SLMAP: variants seen among roughly 807,000 people sequenced by gnomAD.
The protein encoded by SLMAP is sarcolemmal membrane-associated protein.
Under a neutral mutation model 128.8 loss-of-function variants are expected in SLMAP, and 44 were observed. The observed-to-expected ratio is 0.34, with a 90% CI of 0.27 to 0.44. The LOEUF is 0.44. Among genes scored for constraint, SLMAP ranks in the 20% least tolerant of loss-of-function variants. The pLI is 1.00. For missense variants in SLMAP, 787 were observed against 985.3 expected (o/e 0.80, Z 2.69); for synonymous variants, 327 against 348.8 (o/e 0.94, Z 0.70).
chr3:57,877,593 T>C (rs1254330827), intron 14 of SLMAP, among the ~76,000 whole-genome samples: 1 of 152,172 alleles, frequency 6.6e-6, no homozygotes, highest in African/African-American at 2.4e-5. Context: ...GTTTATTCAA[T>C]CTAAGATGTA....
In SLMAP at chr3:57,928,716, G is replaced by T. The variant is rs186641349; in HGVS notation, c.*1427G>T. The T allele has an allele frequency of 6.6e-6, 1 of 152,270 alleles. No homozygotes were observed. Among genetic ancestry groups the T allele is most frequent in the Non-Finnish European group, 1.5e-5 (1 of 68,022 alleles). The allele number at this position is 152,270 out of a possible 1,614,324, so 9.4% of individuals were successfully genotyped here. On this transcript the variant is annotated 3_prime_UTR_variant, in exon 25 of 25. Transcript: ENST00000671191. Reference sequence around the variant, plus strand: ...CAGTGAATTGGCTTGAATGTTCTGTGGCAATCCACAGGTCTAGCCAAATAT... The same window carrying T: ...CAGTGAATTGGCTTGAATGTTCTGTTGCAATCCACAGGTCTAGCCAAATAT...
At chr3:57,838,024 A>G (rs2093722375) in intron 3 of SLMAP, among the ~76,000 whole-genome samples, 1 of 151,924 alleles carries the variant, frequency 6.6e-6, no homozygotes, top group Admixed American at 6.6e-5. Flanking sequence ...GGTTCATCTC[A>G]TAGATTTGCG....
chr3:57,889,543 T>TAAAAC (rs1399741167), intron 14 of SLMAP, among the ~76,000 whole-genome samples: 4 of 152,174 alleles, frequency 2.6e-5, no homozygotes, highest in African/African-American at 9.7e-5. Context: ...AAATCCCCCA[T>TAAAAC]AAAACAAAAC....
intron 3 of SLMAP, among the ~76,000 whole-genome samples, chr3:57,839,200 C>T (rs1427380866): frequency 6.6e-6 from 1 of 151,636 alleles, no homozygotes; most frequent in African/African-American, 2.4e-5. Context: ...CAGCCTCCCA[C>T]AGCACTGGGA....
chr3:57,881,242 G>A (rs529009931), intron 14 of SLMAP, among the ~76,000 whole-genome samples: 60 of 151,954 alleles, frequency 3.9e-4, no homozygotes, highest in South Asian at 1.0e-3. Flanking sequence ...CTACTCTATC[G>A]CTCTTTGAGT....
In SLMAP at chr3:57,803,449, G is replaced by T. The variant is rs531543198; in HGVS notation, c.199-27934G>T. ...GTGCTAGTGCTAGAGAGGTTGTGAT[G>T]ACATTAACTTTGTTGGTCTAGTCTG... On this transcript the variant is annotated intron_variant, in intron 2 of 24. Coordinates refer to ENST00000671191, the MANE Select transcript of SLMAP (RefSeq NM_001377540.1). Among the ~76,000 whole-genome samples the T allele has an allele frequency of 2.0e-5, 3 of 152,144 alleles. No homozygotes were observed. In the South Asian group the frequency reaches 6.2e-4, roughly 32 times the overall value.
chr3:57,851,809 TGC>T (rs1403926737), intron 6 of SLMAP, among the ~76,000 whole-genome samples: 1 of 151,746 alleles, frequency 6.6e-6, no homozygotes, highest in African/African-American at 2.4e-5. Context: ...ATCTTAGTTC[TGC>T]TACTCAACCC....
intron 2 of SLMAP, among the ~76,000 whole-genome samples, chr3:57,784,614 A>G (rs991629496): frequency 6.6e-6 from 1 of 152,182 alleles, no homozygotes; most frequent in African/African-American, 2.4e-5. Flanking sequence ...ATGAGACTTT[A>G]GACTTTTGAG....
chr3:57,912,718 T>G lies in SLMAP; in HGVS notation c.2020+17T>G. 6.4e-7 allele frequency: 1 copy of G among 1,571,752 alleles called. No homozygotes were observed. The highest frequency in any genetic ancestry group is 1.7e-4 in the Middle Eastern group (1 of 5,922). Reference sequence around the variant, plus strand: ...GGTTGCAAGGTGAATAAATGTATTTTACATAAAGCTGTTAACTTTTGACAA... The same window carrying G: ...GGTTGCAAGGTGAATAAATGTATTTGACATAAAGCTGTTAACTTTTGACAA... On this transcript the variant is annotated intron_variant, in intron 20 of 24. Transcript: ENST00000671191.
chr3:57,782,720 A>C (rs1576414919), intron 2 of SLMAP, among the ~76,000 whole-genome samples: 2 of 152,144 alleles, frequency 1.3e-5, no homozygotes, highest in African/African-American at 4.8e-5. Flanking sequence ...CAGTCTGTCC[A>C]CCTTGGCCTC....
chr3:57,785,210 T>C (rs2083840814), intron 2 of SLMAP, among the ~76,000 whole-genome samples: 1 of 152,222 alleles, frequency 6.6e-6, no homozygotes, highest in Non-Finnish European at 1.5e-5. Flanking sequence ...AACTCAAATA[T>C]GTTGTAATAG....
At chr3:57,792,014 C>A (rs2085575533) in intron 2 of SLMAP, among the ~76,000 whole-genome samples, 1 of 152,064 alleles carries the variant, frequency 6.6e-6, no homozygotes, top group Non-Finnish European at 1.5e-5. Flanking sequence ...GCTTTAATTG[C>A]ATGTCAATTA....
intron 13 of SLMAP, among the ~76,000 whole-genome samples, chr3:57,866,707 A>G (rs906210177): frequency 6.6e-6 from 1 of 152,106 alleles, no homozygotes; most frequent in African/African-American, 2.4e-5. Context: ...TCATGGTGAA[A>G]CTTTATCTCT....
chr3:57,906,345 ACT>A (rs1380952471), intron 17 of SLMAP, among the ~76,000 whole-genome samples: 1 of 58,186 alleles, frequency 1.7e-5, no homozygotes, highest in Non-Finnish European at 3.3e-5. Flanking sequence ...AGACACAGTC[ACT>A]CTCTGTCGCC....
At chr3:57,758,856 C>T (rs1398488701) in intron 2 of SLMAP, among the ~76,000 whole-genome samples, 1 of 152,208 alleles carries the variant, frequency 6.6e-6, no homozygotes, top group Admixed American at 6.5e-5. Context: ...GCTACTGAAT[C>T]AGTTCCAACT....
intron 2 of SLMAP, among the ~76,000 whole-genome samples, chr3:57,830,598 C>T (rs1037941772): frequency 3.9e-4 from 60 of 152,038 alleles, no homozygotes; most frequent in African/African-American, 1.4e-3. Context: ...GCTTCTTGTG[C>T]CTCCTGCTAT....
At chr3:57,762,294 G>A (rs75029720) in intron 2 of SLMAP, among the ~76,000 whole-genome samples, 16 of 151,902 alleles carry the variant, frequency 1.1e-4, no homozygotes, top group African/African-American at 2.2e-4. Context: ...GCTTGAACCC[G>A]GGAGGCGGAG....
intron 24 of SLMAP, among the ~76,000 whole-genome samples, chr3:57,926,869 A>G (rs762672190): frequency 4.8e-4 from 73 of 152,246 alleles, no homozygotes; most frequent in Non-Finnish European, 7.8e-4. Flanking sequence ...ATCCCCTTGC[A>G]TAAAATATCC....
At chr3:57,923,318 C>T (rs1200248063) in intron 23 of SLMAP, among the ~76,000 whole-genome samples, 2 of 152,216 alleles carry the variant, frequency 1.3e-5, no homozygotes, top group African/African-American at 4.8e-5. Context: ...GAAGCTCTGT[C>T]ACTAAGCTAT....
Sources: allele counts gnomAD v4.1 joint callset (sites outside exome capture counted in the v4.1 genomes callset), GRCh38; gene constraint gnomAD v4.1.1; transcripts MANE v1.5; gene names NCBI Gene and HGNC (gene_info 2026-07-23, HGNC 2026-07-21).